The following ERLIN2 variants were observed in gnomAD, a reference collection of about 807,000 sequenced individuals.
The protein encoded by ERLIN2 is ER lipid raft associated 2, also known as erlin-2.
ERLIN2 carries 22 observed loss-of-function variants against 41.5 expected under a neutral mutation model. The observed-to-expected ratio is 0.53, with a 90% CI of 0.38 to 0.76. The LOEUF (loss-of-function observed/expected upper bound fraction) is 0.76, where lower values mean the gene tolerates loss of function less well. Ranked by LOEUF, ERLIN2 falls within the 30% of genes least tolerant of loss-of-function variation. The pLI is 0.00. For missense variants in ERLIN2, 247 were observed against 414.3 expected (o/e 0.60, Z 3.51); for synonymous variants, 149 against 150.9 (o/e 0.99, Z 0.09).
In ERLIN2 at chr8:37,757,303, A is replaced by G. The variant is rs1214970336; in HGVS notation, c.*3188A>G. ...TGTAACCAGTACTTCTTTAAGCTCT[A>G]TTCAGTAGGGTTCCAGCCACTGCTT... On this transcript the variant is annotated 3_prime_UTR_variant, in exon 12 of 12. Coordinates refer to ENST00000519638, the MANE Select transcript of ERLIN2 (RefSeq NM_007175.8). 1.3e-5 allele frequency: 2 copies of G among 151,708 alleles called. No homozygotes were observed. The highest frequency in any genetic ancestry group is 6.6e-5 in the Admixed American group (1 of 15,216). The allele number at this position is 151,708 out of a possible 1,614,324, so 9.4% of individuals were successfully genotyped here.
chr8:37,747,568 T>C (rs771351105), intron 6 of ERLIN2: 6 of 1,612,376 alleles, frequency 3.7e-6, no homozygotes, highest in Non-Finnish European at 5.1e-6. Context: ...TTTGGTCCGT[T>C]TGGTCATCAT....
At chr8:37,751,775 G>A (rs992686710) in intron 10 of ERLIN2, 60 bp downstream of exon 10, 2 of 1,313,636 alleles carry the variant, frequency 1.5e-6, no homozygotes, top group African/African-American at 2.9e-5. Flanking sequence ...TGGCCAGTGG[G>A]TTGGGGAGCC....
intron 6 of ERLIN2, among the ~76,000 whole-genome samples, chr8:37,748,559 C>T (rs1803131832): frequency 6.6e-6 from 1 of 152,226 alleles, no homozygotes; most frequent in Non-Finnish European, 1.5e-5. Context: ...AGCCAGCTTT[C>T]ATGGGCCTCC....
chr8:37,745,596 C>T (rs768253959), intron 6 of ERLIN2: 13 of 1,613,942 alleles, frequency 8.1e-6, no homozygotes, highest in Non-Finnish European at 1.0e-5. Flanking sequence ...TCCCAGGAAT[C>T]TTCATAAAAG....
chr8:37,745,293 GATT>G (rs1341413082), intron 6 of ERLIN2: 7 of 511,724 alleles, frequency 1.4e-5, no homozygotes, highest in East Asian at 3.2e-5. Context: ...GAACCTTTGT[GATT>G]ATTATTTTTT....
intron 6 of ERLIN2, chr8:37,745,524 A>C (rs1191931702): frequency 6.2e-7 from 1 of 1,602,092 alleles, no homozygotes; most frequent in Non-Finnish European, 8.6e-7. Flanking sequence ...CAATGCCAAA[A>C]GTAAATGAAT....
intron 4 of ERLIN2, among the ~76,000 whole-genome samples, chr8:37,744,130 A>G (rs951779888): frequency 2.6e-5 from 4 of 152,180 alleles, no homozygotes; most frequent in Admixed American, 1.3e-4. Flanking sequence ...AGTCTCATTC[A>G]TGTCTTTGTA....
At chr8:37,743,139 C>T (rs556667133) in intron 4 of ERLIN2, among the ~76,000 whole-genome samples, 2 of 152,302 alleles carry the variant, frequency 1.3e-5, no homozygotes, top group South Asian at 4.1e-4. Flanking sequence ...TAGAGGGATG[C>T]TGGATTGGAC....
At chr8:37,750,517 C>T (rs531330322) in intron 9 of ERLIN2, 31 bp downstream of exon 9, 15 of 1,570,742 alleles carry the variant, frequency 9.5e-6, no homozygotes, top group South Asian at 6.7e-5. Context: ...TCCCCCTTTC[C>T]AGGCAGAAAG....
rs373529919 is a variant in ERLIN2, at chr8:37,740,354, C to A, written c.108-11C>A. ...AACTGAAGCTGCCTCTCTCTTCCCC[C>A]TCCTCTGCAGAGGCGGTGCCCTGCT... On this transcript the variant is annotated splice_polypyrimidine_tract_variant and intron_variant, in intron 2 of 11. Transcript: ENST00000519638. 5 of 1,607,442 alleles carry A rather than the reference C, an allele frequency of 3.1e-6. No homozygotes were observed. In the African/African-American group the frequency reaches 5.4e-5, roughly 17 times the overall value.
chr8:37,744,963 G>A (rs1289425190), intron 6 of ERLIN2: 2 of 619,610 alleles, frequency 3.2e-6, no homozygotes, highest in Admixed American at 5.5e-5. Context: ...ATCAGAGGCT[G>A]GAGTGGAAAT....
At chr8:37,746,206 CAGA>C in intron 6 of ERLIN2, 1 of 986,014 alleles carries the variant, frequency 1.0e-6, no homozygotes, top group Non-Finnish European at 1.2e-6. Context: ...CCCTTCAACT[CAGA>C]AGGTTCTTCT....
intron 8 of ERLIN2, 129 bp downstream of exon 8, chr8:37,749,981 T>C (rs1803181245): frequency 1.2e-6 from 1 of 856,780 alleles, no homozygotes; most frequent in Middle Eastern, 3.2e-4. Context: ...CTACAGCCCA[T>C]TGCACTGTAA....
At chr8:37,743,221 A>G (rs1162757098) in intron 4 of ERLIN2, among the ~76,000 whole-genome samples, 3 of 152,254 alleles carry the variant, frequency 2.0e-5, no homozygotes, top group Non-Finnish European at 2.9e-5. Flanking sequence ...ATTAACAGCT[A>G]TAACAGATAC....
At position 37,747,875 on chromosome 8, in the gene ERLIN2, GACAGTCCAGCACTAGGACC is replaced by G. The variant is rs759570991; in HGVS notation, c.425-1681_425-1663del. The G allele has an allele frequency of 1.7e-5, 28 of 1,614,086 alleles. No homozygotes were observed. In the Admixed American group the frequency reaches 4.7e-4, roughly 27 times the overall value. On this transcript the variant is annotated intron_variant, in intron 6 of 11. Transcript: ENST00000519638. ...GGCCTCATGGGCAATTTCTCTAACT[GACAGTCCAGCACTAGGACC>G]ACCTGGCCGCACAAACAGTAGTACA...
chr8:37,745,643 A>G (rs763246998), intron 6 of ERLIN2: 2 of 1,614,020 alleles, frequency 1.2e-6, no homozygotes, highest in Non-Finnish European at 8.5e-7. Context: ...AGCAGACAGG[A>G]GGACTCATCC....
At position 37,756,847 on chromosome 8, in the gene ERLIN2, C is replaced by CTGTTTATAAA. The variant is rs1159273800; in HGVS notation, c.*2732_*2733insTGTTTATAAA. ...AAAATAAGTAACTGTTTATAAAATT[C>CTGTTTATAAA]AGTTTTTGTAGGGTTTTCCAAGGAA... On this transcript the variant is annotated 3_prime_UTR_variant, in exon 12 of 12. Coordinates refer to ENST00000519638, the MANE Select transcript of ERLIN2 (RefSeq NM_007175.8). The CTGTTTATAAA allele has an allele frequency of 3.9e-5, 6 of 152,496 alleles. No individual in the cohort carries two copies. Among genetic ancestry groups the CTGTTTATAAA allele is most frequent in the African/African-American group, 1.2e-4 (5 of 41,402 alleles). 9.4% of individuals were successfully genotyped at this position (152,496 alleles called of 1,614,324 possible).
intron 4 of ERLIN2, 144 bp from the exon 5 acceptor site, chr8:37,744,211 T>G: frequency 1.3e-6 from 1 of 793,606 alleles, no homozygotes; most frequent in Non-Finnish European, 2.3e-6. Context: ...AACCTCCCAC[T>G]TGGAGATCCA....
At chr8:37,743,278 C>T (rs1802918168) in intron 4 of ERLIN2, among the ~76,000 whole-genome samples, 1 of 152,208 alleles carries the variant, frequency 6.6e-6, no homozygotes, top group African/African-American at 2.4e-5. Flanking sequence ...CAGAGGACTA[C>T]ACACCAAGGG....
Sources: allele counts gnomAD v4.1 joint callset (sites outside exome capture counted in the v4.1 genomes callset), GRCh38; gene constraint gnomAD v4.1.1; transcripts MANE v1.5; gene names NCBI Gene and HGNC (gene_info 2026-07-23, HGNC 2026-07-21).